Variants in DDX31 observed in about 807,000 individuals in gnomAD.
DDX31 encodes the protein DEAD-box helicase 31.
Under a neutral mutation model 91.3 loss-of-function variants are expected in DDX31, and 70 were observed. The ratio of observed to expected loss-of-function variants is 0.77; its 90% CI spans 0.63 to 0.94. DDX31 has a LOEUF of 0.94. DDX31 is among the 40% of genes least tolerant of loss of function. The pLI, the probability that DDX31 is intolerant of heterozygous loss-of-function variation, is 0.00. For synonymous variants in DDX31, 362 were observed against 350.6 expected (o/e 1.03, Z -0.36); for missense variants, 902 against 925.0 (o/e 0.98, Z 0.32).
In DDX31 at chr9:132,650,286, T is replaced by C; in HGVS notation, c.688A>G (p.Ile230Val). The change falls in exon 9 of 20, where the codon ATT (isoleucine) becomes GTT (valine). Residue 230 changes from isoleucine to valine, a missense_variant. Ile to Val is a conservative substitution (Grantham distance 29). Coordinates refer to ENST00000372159, the MANE Select transcript of DDX31 (RefSeq NM_022779.9). Reference sequence around the variant, plus strand: ...CCTCCCATTAACACTCCAGGCACAATCCAGGTGAAAGGCTACAGAAAGACA... The same window carrying C: ...CCTCCCATTAACACTCCAGGCACAACCCAGGTGAAAGGCTACAGAAAGACA... Reference protein sequence around the residue: ...VQKLLKPFTWIVPGVLMGGEK... With the variant: ...VQKLLKPFTWVVPGVLMGGEK... The C allele has an allele frequency of 6.2e-7, 1 of 1,614,058 alleles. No individual in the cohort carries two copies. Among genetic ancestry groups the C allele is most frequent in the African/African-American group, 1.3e-5 (1 of 75,000 alleles).
Position 132,614,603 on chromosome 9 carries a change from T to C in DDX31, c.1826-2348A>G, listed in dbSNP as rs192797238. Among the ~76,000 whole-genome samples, 8 of 152,286 alleles carry C rather than the reference T, an allele frequency of 5.3e-5. No individual in the cohort carries two copies. The East Asian group carries it at 1.5e-3, about 29-fold the overall frequency. On this transcript the variant is annotated intron_variant, in intron 18 of 19. Transcript: ENST00000372159. ...AAATCCCGCTCTAGGTCTCTTCATT[T>C]CCTACCTCTCTTCTGTGTATGCAGA...
chr9:132,658,031 G>C, intron 6 of DDX31: 1 of 370,428 alleles, frequency 2.7e-6, no homozygotes, highest in Non-Finnish European at 4.8e-6. Flanking sequence ...TTGGAACTTA[G>C]AAGGTTAAAA....
In DDX31 at chr9:132,645,890, CTCACCTCCTGCTCCA is replaced by C; in HGVS notation, c.1370_1380+4del. On this transcript the variant is annotated splice_donor_variant and splice_donor_region_variant and coding_sequence_variant and intron_variant, in exon 13 of 20. Transcript: ENST00000372159. LOFTEE classifies it high-confidence loss of function. ...TTGTCGCTGCACAGGGAGATCAGTG[CTCACCTCCTGCTCCA>C]TGCCGCCATGCAGCCGTAGGAATTT... 1 of 1,609,960 alleles carries C rather than the reference CTCACCTCCTGCTCCA, an allele frequency of 6.2e-7. No individual in the cohort carries two copies. The highest frequency in any genetic ancestry group is 8.5e-7 in the Non-Finnish European group (1 of 1,177,710).
chr9:132,632,293 CACACAG>C lies in DDX31; in HGVS notation c.1441-208_1441-203del, dbSNP rs1414925304. ...ACACACACACACACACACACACACACACACAGTCCTGCATACAACTTCAGGGGGCTC... is the reference window on the plus strand; with the variant it reads ...ACACACACACACACACACACACACACTCCTGCATACAACTTCAGGGGGCTC... On this transcript the variant is annotated intron_variant, in intron 14 of 19. Transcript: ENST00000372159. Among the ~76,000 whole-genome samples, 116 of 132,490 alleles carry C rather than the reference CACACAG, an allele frequency of 8.8e-4. 1 individual carries two copies. Among genetic ancestry groups the C allele is most frequent in the African/African-American group, 3.4e-3 (114 of 33,338 alleles). 86.9% of individuals were successfully genotyped at this position (132,490 alleles called of 152,430 possible). A position where few individuals can be genotyped will look rare whatever the true frequency, so the allele number is the denominator to read the frequency against.
chr9:132,667,321 T>C (rs939919983), intron 1 of DDX31, among the ~76,000 whole-genome samples: 3 of 151,792 alleles, frequency 2.0e-5, no homozygotes, highest in Non-Finnish European at 2.9e-5. Context: ...AATGTAGATC[T>C]AGGCCTGGCT....
At chr9:132,655,232 C>A (rs1280774102) in intron 6 of DDX31, among the ~76,000 whole-genome samples, 2 of 151,706 alleles carry the variant, frequency 1.3e-5, no homozygotes, top group African/African-American at 4.8e-5. Flanking sequence ...ATAAATTCCA[C>A]CAACCAATAA....
rs577919035 is a variant in DDX31 at position 132,627,760 on chromosome 9, C to T, written c.1632-2015G>A. On this transcript the variant is annotated intron_variant, in intron 16 of 19. Coordinates refer to ENST00000372159, the MANE Select transcript of DDX31 (RefSeq NM_022779.9). ...TCCATTCAACTGCTAGGGCGAGCAC[C>T]GCAGTGCTCGATCTAGGAAGGCGGG... Among the ~76,000 whole-genome samples, 26 of 152,288 alleles carry T rather than the reference C, an allele frequency of 1.7e-4. 1 individual carries two copies. The South Asian group carries it at 3.3e-3, about 19-fold the overall frequency.
chr9:132,665,377 C>T (rs1329847839), intron 1 of DDX31, among the ~76,000 whole-genome samples: 5 of 152,172 alleles, frequency 3.3e-5, no homozygotes, highest in African/African-American at 1.2e-4. Flanking sequence ...GAGGAAGTTA[C>T]ACACTAGCAG....
chr9:132,632,248 A>ACACACACACACACACACACACAGTCCTG lies in DDX31; in HGVS notation c.1441-158_1441-157insCAGGACTGTGTGTGTGTGTGTGTGTGTG, dbSNP rs1564305556. 1.4e-4 allele frequency among the ~76,000 whole-genome samples: 12 copies of ACACACACACACACACACACACAGTCCTG among 83,644 alleles called. 1 individual carries two copies. Among genetic ancestry groups the ACACACACACACACACACACACAGTCCTG allele is most frequent in the Non-Finnish European group, 2.4e-4 (11 of 46,804 alleles). 54.9% of individuals were successfully genotyped at this position (83,644 alleles called of 152,430 possible). A position where few individuals can be genotyped will look rare whatever the true frequency, so the allele number is the denominator to read the frequency against. On this transcript the variant is annotated intron_variant, in intron 14 of 19. Transcript: ENST00000372159. ...GTATATGCCCAGTACGTGTACACACACACACACACACACACACACACACAC... is the reference window on the plus strand; with the variant it reads ...GTATATGCCCAGTACGTGTACACACACACACACACACACACACACACAGTCCTGCACACACACACACACACACACACAC...
At chr9:132,602,550 C>T (rs573881029) in intron 19 of DDX31, among the ~76,000 whole-genome samples, 3 of 152,308 alleles carry the variant, frequency 2.0e-5, no homozygotes, top group African/African-American at 4.8e-5. Context: ...TCAAAACCCA[C>T]GCTCCTAGCA....
intron 14 of DDX31, 131 bp from the exon 15 acceptor site, chr9:132,632,222 C>T (rs570239943): frequency 1.2e-5 from 4 of 336,834 alleles, no homozygotes; most frequent in African/African-American, 2.5e-5. Flanking sequence ...CGGGCATACA[C>T]GTATATGCCC....
chr9:132,645,686 G>C (rs1297551387), intron 13 of DDX31, among the ~76,000 whole-genome samples: 1 of 152,136 alleles, frequency 6.6e-6, no homozygotes, highest in Non-Finnish European at 1.5e-5. Context: ...GGGAACAATA[G>C]ACTCCCCTTG....
chr9:132,603,265 T>C, intron 19 of DDX31, among the ~76,000 whole-genome samples: 1 of 152,232 alleles, frequency 6.6e-6, no homozygotes, highest in South Asian at 2.1e-4. Context: ...ATTAAGTAGT[T>C]AACAAATTAC....
intron 14 of DDX31, 133 bp downstream of exon 14, chr9:132,641,871 G>T: frequency 1.3e-6 from 1 of 776,664 alleles, no homozygotes; most frequent in Non-Finnish European, 2.1e-6. Flanking sequence ...AAAGAGGCCA[G>T]CCCCACCAAG....
Position 132,654,614 on chromosome 9 carries a change from A to G in DDX31, c.589-2122T>C, listed in dbSNP as rs143593206. ...GGCGACAGAGCGAGACTTCATCTCA[A>G]ACAAAACAAAACAAAACAAAACAAA... On this transcript the variant is annotated intron_variant, in intron 6 of 19. Transcript: ENST00000372159. Among the ~76,000 whole-genome samples, 367 of 151,748 alleles carry G rather than the reference A, an allele frequency of 2.4e-3. 1 individual carries two copies. The highest frequency in any genetic ancestry group is 8.6e-3 in the African/African-American group (355 of 41,310).
chr9:132,597,020 T>C (rs1445255101), intron 19 of DDX31, among the ~76,000 whole-genome samples: 1 of 152,008 alleles, frequency 6.6e-6, no homozygotes, highest in Non-Finnish European at 1.5e-5. Flanking sequence ...AATCAAGACA[T>C]ATAAGGGGGT....
At chr9:132,633,764 T>C (rs1005861939) in intron 14 of DDX31, among the ~76,000 whole-genome samples, 21 of 152,196 alleles carry the variant, frequency 1.4e-4, no homozygotes, top group African/African-American at 4.8e-4. Context: ...TGAACTTTGA[T>C]ACTTTTGACT....
At position 132,600,955 on chromosome 9, in the gene DDX31, C is replaced by T. The variant is rs1171621647; in HGVS notation, c.1995-5843G>A. ...ACAGCCTACAGTGCGTTAGAGAGCT[C>T]GGTACATTTTAATTCTGTGAAAGCC... On this transcript the variant is annotated intron_variant, in intron 19 of 19. Transcript: ENST00000372159. Among the ~76,000 whole-genome samples, 6 of 152,136 alleles carry T rather than the reference C, an allele frequency of 3.9e-5. No homozygotes were observed. In the East Asian group the frequency reaches 5.8e-4, roughly 15 times the overall value.
intron 13 of DDX31, among the ~76,000 whole-genome samples, chr9:132,642,585 C>A (rs1261284256): frequency 5.3e-5 from 8 of 151,724 alleles, no homozygotes; most frequent in African/African-American, 1.2e-4. Context: ...CCAGGGACAC[C>A]TTGACGTTTC....
Sources: gnomAD v4.1 joint callset for allele counts (sites outside exome capture counted in the v4.1 genomes callset) on GRCh38, gnomAD v4.1.1 for gene constraint, MANE v1.5 for transcripts, NCBI Gene and HGNC (gene_info 2026-07-23, HGNC 2026-07-21) for gene names.